TSHZ2: variants seen among roughly 807,000 people sequenced by gnomAD.
TSHZ2 encodes teashirt zinc finger homeobox 2.
TSHZ2 carries 21 observed loss-of-function variants against 74.4 expected under a neutral mutation model. The observed-to-expected ratio is 0.28, with a 90% CI of 0.20 to 0.41. The LOEUF (loss-of-function observed/expected upper bound fraction) is 0.41, where lower values mean the gene tolerates loss of function less well. TSHZ2 is among the 10% of genes least tolerant of loss of function. The pLI is 1.00. For synonymous variants in TSHZ2, 540 were observed against 515.3 expected, an observed-to-expected ratio of 1.05 and a Z score of -0.65; for missense variants, 1,244 against 1,293.5, an observed-to-expected ratio of 0.96 and a Z score of 0.59.
chr20:53,170,310 A>G (rs1047408827), intron 1 of TSHZ2, among the ~76,000 whole-genome samples: 1 of 152,264 alleles, frequency 6.6e-6, no homozygotes, highest in African/African-American at 2.4e-5. Context: ...CGTAGACTGC[A>G]GCCTGTATCT....
At chr20:53,039,474 C>A (rs1375483461) in intron 1 of TSHZ2, among the ~76,000 whole-genome samples, 1 of 152,188 alleles carries the variant, frequency 6.6e-6, no homozygotes, top group Non-Finnish European at 1.5e-5. Context: ...TTATAGGCCT[C>A]TTTCTGTGCA....
intron 1 of TSHZ2, among the ~76,000 whole-genome samples, chr20:52,982,637 A>G (rs1981611074): frequency 6.6e-6 from 1 of 152,242 alleles, no homozygotes; most frequent in Non-Finnish European, 1.5e-5. Flanking sequence ...CTGCCCTCAC[A>G]CAGCTAATAT....
At chr20:53,423,065 A>T (rs751223443) in intron 2 of TSHZ2, among the ~76,000 whole-genome samples, 1 of 152,218 alleles carries the variant, frequency 6.6e-6, no homozygotes, top group Admixed American at 6.5e-5. Flanking sequence ...GTCTAGCCAG[A>T]TGAGAAACCC....
chr20:53,118,891 A>G (rs377027257), intron 1 of TSHZ2, among the ~76,000 whole-genome samples: 19 of 152,196 alleles, frequency 1.2e-4, no homozygotes, highest in African/African-American at 4.3e-4. Flanking sequence ...CATCGGCTCA[A>G]GAAGCTCACA....
intron 2 of TSHZ2, among the ~76,000 whole-genome samples, chr20:53,336,323 A>T (rs1979947428): frequency 6.6e-6 from 1 of 152,202 alleles, no homozygotes; most frequent in South Asian, 2.1e-4. Flanking sequence ...GAAATCACAC[A>T]TGCAAATCGG....
At chr20:53,458,377 T>C (rs1228014585) in intron 2 of TSHZ2, among the ~76,000 whole-genome samples, 1 of 152,128 alleles carries the variant, frequency 6.6e-6, no homozygotes, top group African/African-American at 2.4e-5. Context: ...CTGATGGTAG[T>C]TTGTATTTCT....
At chr20:53,095,912 G>A (rs57526786) in intron 1 of TSHZ2, among the ~76,000 whole-genome samples, 1 of 152,028 alleles carries the variant, frequency 6.6e-6, no homozygotes, top group Non-Finnish European at 1.5e-5. Flanking sequence ...ACTAAAGGGG[G>A]AAAGAGCCAC....
At chr20:53,032,150 AAC>A (rs1378766043) in intron 1 of TSHZ2, among the ~76,000 whole-genome samples, 1 of 152,198 alleles carries the variant, frequency 6.6e-6, no homozygotes, top group Non-Finnish European at 1.5e-5. Context: ...TCCAAGAGGA[AAC>A]ACAGCCTCCT....
chr20:53,032,744 ATTTT>A (rs145684258), intron 1 of TSHZ2, among the ~76,000 whole-genome samples: 5 of 145,742 alleles, frequency 3.4e-5, no homozygotes, highest in African/African-American at 1.2e-4. Context: ...CCATGTCCTG[ATTTT>A]TTTTTTTTTC....
At chr20:53,358,115 G>A (rs906504504) in intron 2 of TSHZ2, among the ~76,000 whole-genome samples, 5 of 152,120 alleles carry the variant, frequency 3.3e-5, no homozygotes, top group African/African-American at 7.2e-5. Flanking sequence ...CCCAGCACAC[G>A]AACACTCTGG....
chr20:53,410,417 GT>G (rs1983011381), intron 2 of TSHZ2, among the ~76,000 whole-genome samples: 1 of 152,044 alleles, frequency 6.6e-6, no homozygotes, highest in African/African-American at 2.4e-5. Flanking sequence ...GCACCTGTAA[GT>G]TATGCCAAGG....
At chr20:53,409,801 A>G (rs1241806382) in intron 2 of TSHZ2, among the ~76,000 whole-genome samples, 3 of 150,406 alleles carry the variant, frequency 2.0e-5, no homozygotes, top group Admixed American at 1.3e-4. Flanking sequence ...GCCTTGAAAA[A>G]GGTCTTCAGA....
chr20:53,362,817 G>GCCC (rs1290666643), intron 2 of TSHZ2, among the ~76,000 whole-genome samples: 1 of 152,182 alleles, frequency 6.6e-6, no homozygotes, highest in African/African-American at 2.4e-5. Context: ...TAAAAATTGT[G>GCCC]CTTGTAAATA....
intron 1 of TSHZ2, among the ~76,000 whole-genome samples, chr20:53,205,937 T>C (rs1259778978): frequency 6.6e-6 from 1 of 152,144 alleles, no homozygotes; most frequent in Non-Finnish European, 1.5e-5. Flanking sequence ...TAAAGACATA[T>C]GGGCCGGGCA....
Position 53,296,034 on chromosome 20 carries a change from GC to G in TSHZ2, c.*8+39464del, listed in dbSNP as rs375031035. Among the ~76,000 whole-genome samples, 194 of 114,632 alleles carry G rather than the reference GC, an allele frequency of 1.7e-3. 2 individuals carry two copies. The highest frequency in any genetic ancestry group is 3.9e-3 in the African/African-American group (102 of 26,198). 75.2% of individuals were successfully genotyped at this position (114,632 alleles called of 152,430 possible). On this transcript the variant is annotated intron_variant, in intron 2 of 2. Coordinates refer to ENST00000371497, the MANE Select transcript of TSHZ2 (RefSeq NM_173485.6). ...ATTACTATCCAGGTCTGTAATGACTGCAAAAAAAAAAAAAAAAAAAATCCAG... is the reference window on the plus strand; with the variant it reads ...ATTACTATCCAGGTCTGTAATGACTGAAAAAAAAAAAAAAAAAAAATCCAG...
At chr20:53,045,524 C>G (rs756035201) in intron 1 of TSHZ2, among the ~76,000 whole-genome samples, 2 of 152,198 alleles carry the variant, frequency 1.3e-5, no homozygotes, top group African/African-American at 2.4e-5. Flanking sequence ...TCCGTTTAGA[C>G]GAGACATTTC....
At chr20:52,994,939 A>T (rs1430280601) in intron 1 of TSHZ2, among the ~76,000 whole-genome samples, 1 of 152,204 alleles carries the variant, frequency 6.6e-6, no homozygotes, top group African/African-American at 2.4e-5. Context: ...TCAATTGAGC[A>T]GGTAGACTAT....
chr20:53,186,409 C>T (rs1016439221), intron 1 of TSHZ2, among the ~76,000 whole-genome samples: 4 of 152,170 alleles, frequency 2.6e-5, no homozygotes, highest in Non-Finnish European at 4.4e-5. Context: ...CCACTGCAAA[C>T]GTACTGAATC....
chr20:53,292,472 G>C lies in TSHZ2; in HGVS notation c.*8+35901G>C, dbSNP rs570196020. 1.4e-3 allele frequency among the ~76,000 whole-genome samples: 197 copies of C among 144,224 alleles called. 1 individual carries two copies. The highest frequency in any genetic ancestry group is 3.3e-3 in the Admixed American group (47 of 14,294). 94.6% of individuals were successfully genotyped at this position (144,224 alleles called of 152,430 possible). ...ATTTTTTTTTTTTTTTTTTGAGACAGGGTCTTGCTCTGCTGCCCAGGCTGA... is the reference window on the plus strand; with the variant it reads ...ATTTTTTTTTTTTTTTTTTGAGACACGGTCTTGCTCTGCTGCCCAGGCTGA... On this transcript the variant is annotated intron_variant, in intron 2 of 2. Transcript: ENST00000371497.
Sources: gnomAD v4.1 joint callset for allele counts (sites outside exome capture counted in the v4.1 genomes callset) on GRCh38, gnomAD v4.1.1 for gene constraint, MANE v1.5 for transcripts, NCBI Gene and HGNC (gene_info 2026-07-23, HGNC 2026-07-21) for gene names.